Variants in SPATA22 observed in about 807,000 individuals in gnomAD.
SPATA22 encodes the protein spermatogenesis-associated protein 22.
In SPATA22, 29 loss-of-function variants were observed where a neutral mutation model predicts 47.8. That is an observed-to-expected ratio of 0.61 (90% confidence interval 0.45 to 0.83). SPATA22 has a LOEUF of 0.83. Ranked by LOEUF, SPATA22 falls within the 40% of genes least tolerant of loss-of-function variation. SPATA22 has a pLI of 0.00. For synonymous variants in SPATA22, 133 were observed against 140.9 expected (o/e 0.94, Z 0.40); for missense variants, 410 against 421.7 (o/e 0.97, Z 0.24).
chr17:3,491,056 G>A (rs1000538279), intron 1 of SPATA22, among the ~76,000 whole-genome samples: 7 of 152,198 alleles, frequency 4.6e-5, no homozygotes, highest in Admixed American at 2.6e-4. Context: ...CTGAAGAAGT[G>A]TGTAGAAGGG....
rs573137749 is a variant in SPATA22, at chr17:3,461,462, C to G, written c.329+1021G>C. ...CCTGTCCAGATTACAATCTGTTTAC[C>G]TAATTATCTGTCTAATGCTTGTCAG... is the stretch of plus-strand genomic sequence containing the variant. On this transcript the variant is annotated intron_variant, in intron 5 of 8. Transcript: ENST00000572969. Among the ~76,000 whole-genome samples the G allele has an allele frequency of 2.0e-4, 31 of 152,120 alleles. 1 individual carries two copies. The highest frequency in any genetic ancestry group is 7.0e-4 in the African/African-American group (29 of 41,506).
chr17:3,492,850 A>C (rs991608668), intron 1 of SPATA22, among the ~76,000 whole-genome samples: 1 of 152,226 alleles, frequency 6.6e-6, no homozygotes, highest in Non-Finnish European at 1.5e-5. Context: ...AAAACAATAA[A>C]AAAAATCCAC....
rs2073699551 is a variant in SPATA22 at position 3,485,294 on chromosome 17, G to A, written c.-73-15896C>T. 1.3e-5 allele frequency among the ~76,000 whole-genome samples: 2 copies of A among 152,158 alleles called. No individual in the cohort carries two copies. The highest frequency in any genetic ancestry group is 4.8e-5 in the African/African-American group (2 of 41,432). On this transcript the variant is annotated intron_variant, in intron 1 of 8. Transcript: ENST00000541913. The surrounding 1 kb of genome is among the most constrained non-coding windows in gnomAD (Gnocchi z 4.4). The stretch of plus-strand genomic sequence containing the variant: ...CAAAGTGCTGGGATTACAAGCGTGA[G>A]CCACCACACCTGTACCTCATTCACA...
At chr17:3,451,723 C>T (rs1300658711) in intron 5 of SPATA22, among the ~76,000 whole-genome samples, 5 of 151,864 alleles carry the variant, frequency 3.3e-5, no homozygotes, top group African/African-American at 7.3e-5. Context: ...CCGAGGTGGG[C>T]GGATCACAAG....
intron 3 of SPATA22, among the ~76,000 whole-genome samples, chr17:3,466,930 A>T (rs182571327): frequency 4.5e-4 from 68 of 152,346 alleles, no homozygotes; most frequent in African/African-American, 1.6e-3. Context: ...GACCATAAAC[A>T]GCTAACAAAT....
rs963475882 is a variant in SPATA22 at position 3,443,504 on chromosome 17, T to C, written c.803-233A>G. Among the ~76,000 whole-genome samples the C allele has an allele frequency of 2.0e-4, 30 of 152,108 alleles. 1 individual carries two copies. In the Middle Eastern group the frequency reaches 0.017, roughly 86 times the overall value. ...AGGAACAGATTATATGCCAAGCTCA[T>C]ACAATTGACAATAAATGGCCATCTG... On this transcript the variant is annotated intron_variant, in intron 7 of 8. Transcript: ENST00000572969.
At chr17:3,449,955 C>T (rs1039197183) in intron 5 of SPATA22, among the ~76,000 whole-genome samples, 1 of 152,052 alleles carries the variant, frequency 6.6e-6, no homozygotes, top group African/African-American at 2.4e-5. Context: ...CAGGCTCAAG[C>T]GATCCTCCCA....
chr17:3,466,729 G>A (rs771768881), intron 3 of SPATA22, among the ~76,000 whole-genome samples: 4 of 152,332 alleles, frequency 2.6e-5, no homozygotes, highest in Non-Finnish European at 5.9e-5. Context: ...AGGCTGGGAA[G>A]TCAAGGCTTC....
intron 1 of SPATA22, among the ~76,000 whole-genome samples, chr17:3,486,437 C>T (rs1300589921): frequency 1.3e-5 from 2 of 152,314 alleles, no homozygotes; most frequent in East Asian, 1.9e-4. Flanking sequence ...CCTCTTACCA[C>T]CTGCTTTGCA....
chr17:3,506,969 AG>A (rs2074046149), intron 1 of SPATA22, among the ~76,000 whole-genome samples: 5 of 110,454 alleles, frequency 4.5e-5, no homozygotes, highest in South Asian at 7.5e-4. Context: ...AGAGAGAAAG[AG>A]AGAGAGAAGG....
chr17:3,484,919 C>T (rs1353426823), intron 1 of SPATA22, among the ~76,000 whole-genome samples: 2 of 152,148 alleles, frequency 1.3e-5, no homozygotes, highest in African/African-American at 4.8e-5. Context: ...GTTCCCTATC[C>T]CCTTCTGCAG....
intron 5 of SPATA22, among the ~76,000 whole-genome samples, chr17:3,450,944 G>C (rs553786416): frequency 6.6e-6 from 1 of 152,314 alleles, no homozygotes; most frequent in Non-Finnish European, 1.5e-5. Flanking sequence ...ACGAAACTTT[G>C]ACTTGTAAAG....
In SPATA22 at chr17:3,471,551, G is replaced by T. The variant is rs545386504; in HGVS notation, c.-74+131C>A. The T allele has an allele frequency of 7.3e-4, 712 of 981,050 alleles. 1 individual carries two copies. The highest frequency in any genetic ancestry group is 8.3e-4 in the Non-Finnish European group (693 of 829,946). 60.8% of individuals were successfully genotyped at this position (981,050 alleles called of 1,614,324 possible). A position where few individuals can be genotyped will look rare whatever the true frequency, so the allele number is the denominator to read the frequency against. On this transcript the variant is annotated intron_variant, in intron 1 of 8. Coordinates refer to ENST00000572969, the MANE Select transcript of SPATA22 (RefSeq NM_001170698.2). ...ACACACACCACCCACAAAAACCACGGCCTCAAATGGCGGCCTGTTTTGGCT... is the reference window on the plus strand; with the variant it reads ...ACACACACCACCCACAAAAACCACGTCCTCAAATGGCGGCCTGTTTTGGCT...
In SPATA22 at chr17:3,499,052, G is replaced by A. The variant is rs371394875; in HGVS notation, c.-74+14360C>T. 3.2e-5 allele frequency: 51 copies of A among 1,613,876 alleles called. No individual in the cohort carries two copies. The highest frequency in any genetic ancestry group is 2.5e-4 in the Admixed American group (15 of 59,982). On this transcript the variant is annotated intron_variant, in intron 1 of 8. Coordinates refer to the SPATA22 transcript ENST00000541913. ...CTTTTGCAAAGACAACTAAACTAAC[G>A]CTCAATGCAAAAAGTATTCGCTGCT...
At chr17:3,511,414 C>G (rs2074111945) in intron 1 of SPATA22, 1 of 152,252 alleles carries the variant, frequency 6.6e-6, no homozygotes, top group Admixed American at 6.5e-5. Flanking sequence ...CCAGCCTCCA[C>G]AGCTCTGATA....
upstream of SPATA22, chr17:3,476,027 C>G: frequency 1.3e-6 from 1 of 789,638 alleles, no homozygotes; most frequent in East Asian, 2.7e-5. Context: ...AAAATATACT[C>G]CACTCAAGGG....
chr17:3,446,707 G>T, intron 6 of SPATA22, 106 bp from the exon 7 acceptor site: 1 of 920,366 alleles, frequency 1.1e-6, no homozygotes, highest in Non-Finnish European at 1.6e-6. Flanking sequence ...GGACAAGTGT[G>T]TAAAAAGAAC....
At chr17:3,505,667 G>A (rs12452606) in intron 1 of SPATA22, among the ~76,000 whole-genome samples, 113,081 of 151,988 alleles carry the variant, frequency 0.74, 43,894 homozygotes, top group Non-Finnish European at 0.85. Context: ...ACCAGGGAGC[G>A]TCTGAAGGCC....
intron 1 of SPATA22, among the ~76,000 whole-genome samples, chr17:3,509,481 CAA>C: frequency 6.6e-6 from 1 of 152,304 alleles, no homozygotes; most frequent in East Asian, 1.9e-4. Flanking sequence ...CATGTTCCTA[CAA>C]AAGACATGAT....
Sources: gnomAD v4.1 joint callset for allele counts (sites outside exome capture counted in the v4.1 genomes callset) on GRCh38, gnomAD v4.1.1 for gene constraint, Gnocchi (gnomAD v3.1) non-coding constraint, MANE v1.5 for transcripts, NCBI Gene and HGNC (gene_info 2026-07-23, HGNC 2026-07-21) for gene names.